NBPF3: variants seen among roughly 807,000 people sequenced by gnomAD.
NBPF3 encodes the protein NBPF member 3.
A neutral mutation model predicts 78.1 loss-of-function variants in NBPF3; 57 were observed. That is an observed-to-expected ratio of 0.73 (90% CI 0.59 to 0.91). The LOEUF is 0.91. Among genes scored for constraint, NBPF3 ranks in the 40% least tolerant of loss-of-function variants. NBPF3 has a pLI of 0.00. For synonymous variants in NBPF3, 182 were observed against 271.7 expected, an observed-to-expected ratio of 0.67 and a Z score of 3.25; for missense variants, 510 against 715.3, an observed-to-expected ratio of 0.71 and a Z score of 3.27.
chr1:21,479,848 G>GTGTGTGTGTGTGTATGTGTA (rs746655034), intron 10 of NBPF3, among the ~76,000 whole-genome samples: 7 of 121,784 alleles, frequency 5.7e-5, no homozygotes, highest in Non-Finnish European at 9.2e-5. Flanking sequence ...GTGTGTGTGT[G>GTGTGTGTGTGTGTATGTGTA]TGTGTATGTG....
intron 7 of NBPF3, among the ~76,000 whole-genome samples, chr1:21,473,843 G>A (rs1170163353): frequency 6.6e-6 from 1 of 152,236 alleles, no homozygotes; most frequent in African/African-American, 2.4e-5. Context: ...GGAAGTATCT[G>A]TGAGGCCTCG....
At chr1:21,446,868 T>G (rs1338429466) in intron 2 of NBPF3, among the ~76,000 whole-genome samples, 2 of 152,080 alleles carry the variant, frequency 1.3e-5, no homozygotes, top group Non-Finnish European at 2.9e-5. Context: ...GGTTTTTACC[T>G]CTCCTTACCA....
rs1252131790 is a variant in NBPF3 at position 21,470,613 on chromosome 1, C to T, written c.344-19C>T. ...ATGTCCAGCCTTTCACTGAGGCAGG[C>T]GTGTGTGTCTTTTCTCAGACTATGA... On this transcript the variant is annotated intron_variant, in intron 3 of 14. Coordinates refer to ENST00000318249, the MANE Select transcript of NBPF3 (RefSeq NM_032264.6). The T allele has an allele frequency of 7.1e-6, 11 of 1,559,478 alleles. No individual in the cohort carries two copies. Among genetic ancestry groups the T allele is most frequent in the Middle Eastern group, 1.7e-4 (1 of 5,724 alleles).
chr1:21,479,327 C>G (rs769100673), intron 9 of NBPF3, 22 bp from the exon 10 acceptor site: 2 of 1,608,924 alleles, frequency 1.2e-6, no homozygotes, highest in Non-Finnish European at 1.7e-6. Flanking sequence ...ATGTAAGAGG[C>G]CCTGTCTGAA....
intron 2 of NBPF3, among the ~76,000 whole-genome samples, chr1:21,456,666 AAAAC>A (rs1410228127): frequency 6.6e-6 from 1 of 152,180 alleles, no homozygotes; most frequent in Non-Finnish European, 1.5e-5. Context: ...ATGATTTATA[AAAAC>A]AAACCCCAGA....
At chr1:21,472,783 T>C (rs757002124) in intron 5 of NBPF3, 60 bp from the exon 6 acceptor site, 546 of 1,191,986 alleles carry the variant, frequency 4.6e-4, no homozygotes, top group Non-Finnish European at 6.2e-4. Flanking sequence ...CACATTCGGC[T>C]GACTGTGCTT....
At chr1:21,443,794 G>T (rs1640804458) in intron 1 of NBPF3, among the ~76,000 whole-genome samples, 2 of 151,936 alleles carry the variant, frequency 1.3e-5, no homozygotes, top group African/African-American at 4.8e-5. Context: ...TCTCCTTTTT[G>T]TAGACAGGGT....
intron 8 of NBPF3, among the ~76,000 whole-genome samples, chr1:21,477,365 T>C (rs1203439132): frequency 6.6e-6 from 1 of 152,242 alleles, no homozygotes; most frequent in Non-Finnish European, 1.5e-5. Flanking sequence ...CTCTGGTTTT[T>C]AGAATTTTCA....
At chr1:21,479,095 G>T (rs913481727) in intron 9 of NBPF3, among the ~76,000 whole-genome samples, 2 of 152,228 alleles carry the variant, frequency 1.3e-5, no homozygotes, top group Admixed American at 6.5e-5. Flanking sequence ...GCTCATTTGT[G>T]TACACAAACC....
At chr1:21,449,868 G>T (rs867870499) in intron 2 of NBPF3, 7 of 664,654 alleles carry the variant, frequency 1.1e-5, no homozygotes, top group African/African-American at 9.7e-5. Flanking sequence ...GGTGGCAAGG[G>T]CTCTGAAACA....
At chr1:21,436,852 G>A, upstream of NBPF3, 2 of 809,222 alleles carry the variant, frequency 2.5e-6, no homozygotes, top group Non-Finnish European at 3.4e-6. This position sits in a 1 kb window ranked among gnomAD's most constrained non-coding sequence, Gnocchi z 4.3. Context: ...CAGAGGCCCG[G>A]GGGGAGGGGC....
chr1:21,468,089 TG>T (rs1642377427), intron 2 of NBPF3: 1 of 153,746 alleles, frequency 6.5e-6, no homozygotes. Context: ...ATCTTACACT[TG>T]TGGAAAAGCC....
chr1:21,465,661 C>T (rs547662488), intron 2 of NBPF3, among the ~76,000 whole-genome samples: 101 of 152,332 alleles, frequency 6.6e-4, no homozygotes, highest in African/African-American at 2.3e-3. Flanking sequence ...ACTCCAACTT[C>T]GGAAGAGTGG....
At chr1:21,477,877 G>A (rs1316941807) in intron 8 of NBPF3, among the ~76,000 whole-genome samples, 1 of 152,190 alleles carries the variant, frequency 6.6e-6, no homozygotes, top group Admixed American at 6.5e-5. Context: ...AAGTCATGAT[G>A]GTAGTTTACA....
intron 2 of NBPF3, 26 bp from the exon 3 acceptor site, chr1:21,468,662 C>T (rs1443770584): frequency 5.0e-6 from 8 of 1,611,470 alleles, no homozygotes; most frequent in Middle Eastern, 3.6e-4. Flanking sequence ...TTTAACCCAT[C>T]GTGTGTTTGG....
chr1:21,471,151 C>G (rs1308504044), intron 4 of NBPF3, among the ~76,000 whole-genome samples: 3 of 152,176 alleles, frequency 2.0e-5, no homozygotes, highest in Non-Finnish European at 4.4e-5. Context: ...TCCTTTCTTT[C>G]ATCTTTTCAA....
chr1:21,442,807 A>G (rs1486698138), intron 1 of NBPF3, among the ~76,000 whole-genome samples: 1 of 152,028 alleles, frequency 6.6e-6, no homozygotes, highest in Admixed American at 6.6e-5. Context: ...GACTATAGGC[A>G]TGTGCCACCA....
At chr1:21,466,047 C>T (rs796089780) in intron 2 of NBPF3, 52 of 961,726 alleles carry the variant, frequency 5.4e-5, no homozygotes, top group Non-Finnish European at 6.4e-5. Flanking sequence ...CCTTTGTGTC[C>T]GGAATGTGCC....
chr1:21,482,181 C>T (rs115166616), intron 13 of NBPF3, among the ~76,000 whole-genome samples: 8,924 of 149,872 alleles, frequency 0.06, 386 homozygotes, highest in African/African-American at 0.083. Flanking sequence ...TCCTAGAAAT[C>T]GTTTGAGGGC....
Sources: allele counts gnomAD v4.1 joint callset (sites outside exome capture counted in the v4.1 genomes callset), GRCh38; gene constraint gnomAD v4.1.1; non-coding constraint Gnocchi (gnomAD v3.1); transcripts MANE v1.5; gene names NCBI Gene and HGNC (gene_info 2026-07-23, HGNC 2026-07-21).